The following SNTG2 variants were observed in gnomAD, a reference collection of about 807,000 sequenced individuals.
SNTG2 encodes the protein gamma-2-syntrophin.
In SNTG2, 74 loss-of-function variants were observed where a neutral mutation model predicts 70.9. The observed-to-expected ratio is 1.04, with a 90% CI of 0.86 to 1.27. SNTG2 has a LOEUF of 1.27. Ranked by LOEUF, SNTG2 falls within the 50% of genes most tolerant of loss-of-function variation. The pLI, the probability that SNTG2 is intolerant of heterozygous loss-of-function variation, is 0.00. For synonymous variants in SNTG2, 278 were observed against 273.8 expected, an observed-to-expected ratio of 1.02 and a Z score of -0.15; for missense variants, 717 against 690.7, an observed-to-expected ratio of 1.04 and a Z score of -0.43.
chr2:1,207,773 C>T (rs1240671713), intron 8 of SNTG2, among the ~76,000 whole-genome samples: 2 of 152,146 alleles, frequency 1.3e-5, no homozygotes, highest in Non-Finnish European at 2.9e-5. Context: ...GCAAACCAAC[C>T]AGAGCCAGTT....
intron 1 of SNTG2, among the ~76,000 whole-genome samples, chr2:964,183 T>C (rs1293737325): frequency 1.3e-5 from 2 of 152,194 alleles, no homozygotes; most frequent in Admixed American, 1.3e-4. Flanking sequence ...AACTCACACA[T>C]GCCTAACTTT....
chr2:1,068,178 T>C (rs1040396978), intron 1 of SNTG2: 2 of 152,312 alleles, frequency 1.3e-5, no homozygotes, highest in East Asian at 1.9e-4. Context: ...AGCTAGTGTG[T>C]CACCCAATAA....
chr2:1,324,525 T>C (rs891812389), intron 16 of SNTG2, among the ~76,000 whole-genome samples: 2 of 152,320 alleles, frequency 1.3e-5, no homozygotes, highest in East Asian at 3.9e-4. Context: ...TTTAGGTTCT[T>C]CTTTAGAGAC....
chr2:1,141,600 G>T (rs4347864), intron 6 of SNTG2, among the ~76,000 whole-genome samples: 150,419 of 152,316 alleles, frequency 0.99, 74,300 homozygotes, highest in East Asian at 1. Flanking sequence ...GAAAGAAATG[G>T]AATAAAATTT....
chr2:1,231,849 G>C (rs950586051), intron 9 of SNTG2, among the ~76,000 whole-genome samples: 1 of 152,184 alleles, frequency 6.6e-6, no homozygotes, highest in Non-Finnish European at 1.5e-5. Flanking sequence ...TGCCTACTGA[G>C]TGCCAGGGCT....
intron 6 of SNTG2, among the ~76,000 whole-genome samples, chr2:1,154,880 C>T (rs911874731): frequency 4.6e-5 from 7 of 150,878 alleles, no homozygotes; most frequent in Non-Finnish European, 8.9e-5. Flanking sequence ...CACACAAACA[C>T]ACCACACACA....
chr2:1,095,095 A>C (rs1665302552), intron 2 of SNTG2, among the ~76,000 whole-genome samples: 1 of 152,102 alleles, frequency 6.6e-6, no homozygotes, highest in South Asian at 2.1e-4. Flanking sequence ...AAAGAGAAAA[A>C]AAAAGAGAGA....
chr2:1,174,468 T>G (rs1671341571), intron 8 of SNTG2, among the ~76,000 whole-genome samples: 1 of 152,204 alleles, frequency 6.6e-6, no homozygotes, highest in Admixed American at 6.5e-5. Flanking sequence ...ACTTTGCCTT[T>G]GTTTTATGTT....
intron 1 of SNTG2, among the ~76,000 whole-genome samples, chr2:993,640 T>A (rs1026394761): frequency 2.0e-5 from 3 of 152,120 alleles, no homozygotes; most frequent in East Asian, 1.9e-4. Context: ...CCACTTGACA[T>A]CCCCACCAGC....
In SNTG2 at chr2:1,207,421, T is replaced by C. The variant is rs983002326; in HGVS notation, c.592-1682T>C. On this transcript the variant is annotated intron_variant, in intron 8 of 16. Coordinates refer to ENST00000308624, the MANE Select transcript of SNTG2 (RefSeq NM_018968.4). ...AACCCAACCTCTGGCTATGTGAGTT[T>C]TTTTTTCTGCCTTCAGACACATCTG... is the stretch of plus-strand genomic sequence containing the variant. Among the ~76,000 whole-genome samples the C allele has an allele frequency of 3.0e-3, 460 of 152,316 alleles. 2 individuals carry two copies. The highest frequency in any genetic ancestry group is 4.7e-3 in the Non-Finnish European group (321 of 68,020).
chr2:981,309 G>A (rs946709558), intron 1 of SNTG2, among the ~76,000 whole-genome samples: 3 of 152,216 alleles, frequency 2.0e-5, no homozygotes, highest in Non-Finnish European at 4.4e-5. Context: ...TGATTCACAT[G>A]AAATATGCTT....
At chr2:962,969 A>G (rs1191718676) in intron 1 of SNTG2, among the ~76,000 whole-genome samples, 4 of 152,186 alleles carry the variant, frequency 2.6e-5, no homozygotes, top group African/African-American at 9.7e-5. Context: ...CAAACCAGAA[A>G]AGGTGAATAC....
At chr2:1,272,334 G>C (rs1679065809) in intron 14 of SNTG2, among the ~76,000 whole-genome samples, 2 of 151,312 alleles carry the variant, frequency 1.3e-5, no homozygotes, top group South Asian at 4.2e-4. Context: ...GTTCACAATA[G>C]GGTTCCCGCT....
intron 9 of SNTG2, among the ~76,000 whole-genome samples, chr2:1,235,594 A>C (rs562741638): frequency 8.4e-6 from 1 of 118,800 alleles, no homozygotes; most frequent in African/African-American, 3.2e-5. Context: ...CCCCTGCCCC[A>C]CGCTGCCCTG....
chr2:1,207,243 A>C (rs1266596628), intron 8 of SNTG2, among the ~76,000 whole-genome samples: 3 of 152,248 alleles, frequency 2.0e-5, no homozygotes, highest in Non-Finnish European at 4.4e-5. Context: ...ATCTCTTACC[A>C]GAAGTTAGAG....
chr2:1,089,917 C>T (rs1039792896), intron 2 of SNTG2, among the ~76,000 whole-genome samples: 5 of 152,160 alleles, frequency 3.3e-5, no homozygotes, highest in African/African-American at 9.7e-5. Flanking sequence ...GCTCTGTCTA[C>T]GTTATTAAAG....
At chr2:1,180,832 T>C (rs1671834175) in intron 8 of SNTG2, among the ~76,000 whole-genome samples, 1 of 151,932 alleles carries the variant, frequency 6.6e-6, no homozygotes, top group Non-Finnish European at 1.5e-5. Flanking sequence ...TGTCCAACAA[T>C]GATAGACTGG....
At chr2:1,035,703 A>G (rs1288563061) in intron 1 of SNTG2, among the ~76,000 whole-genome samples, 2 of 152,192 alleles carry the variant, frequency 1.3e-5, no homozygotes, top group South Asian at 2.1e-4. Context: ...ACAGTTTTAA[A>G]TGGGCACGAT....
At chr2:1,084,972 C>T (rs115085172) in intron 2 of SNTG2, among the ~76,000 whole-genome samples, 3,973 of 152,282 alleles carry the variant, frequency 0.026, 196 homozygotes, top group African/African-American at 0.091. Flanking sequence ...TAAGTTTCCA[C>T]GTGAGCTTTG....
Sources: allele counts gnomAD v4.1 joint callset (sites outside exome capture counted in the v4.1 genomes callset), GRCh38; gene constraint gnomAD v4.1.1; transcripts MANE v1.5; gene names NCBI Gene and HGNC (gene_info 2026-07-23, HGNC 2026-07-21).